Variants in HTRA3 observed in about 807,000 individuals in gnomAD.
HTRA3 encodes serine protease HTRA3.
Under a neutral mutation model 43.2 loss-of-function variants are expected in HTRA3, and 41 were observed. The ratio of observed to expected loss-of-function variants is 0.95; its 90% CI spans 0.74 to 1.23. The LOEUF (loss-of-function observed/expected upper bound fraction) is 1.23, where lower values mean the gene tolerates loss of function less well. Among genes scored for constraint, HTRA3 ranks in the 50% most tolerant of loss-of-function variants. The pLI, the probability that HTRA3 is intolerant of heterozygous loss-of-function variation, is 0.00. For missense variants in HTRA3, 628 were observed against 647.1 expected, an observed-to-expected ratio of 0.97 and a Z score of 0.32; for synonymous variants, 295 against 287.9, an observed-to-expected ratio of 1.02 and a Z score of -0.25.
intron 7 of HTRA3, 95 bp downstream of exon 7, chr4:8,302,606 T>C: frequency 8.0e-7 from 1 of 1,257,734 alleles, no homozygotes; most frequent in Non-Finnish European, 1.2e-6. Context: ...GTTCGGCTCC[T>C]TGCAGGTGCC....
chr4:8,293,651 G>T (rs1429381359), intron 5 of HTRA3, among the ~76,000 whole-genome samples: 2 of 152,052 alleles, frequency 1.3e-5, no homozygotes, highest in Admixed American at 6.5e-5. Flanking sequence ...GGGATGGGGG[G>T]GTCAAGGAGC....
chr4:8,289,625 C>A (rs1473073242), intron 3 of HTRA3, among the ~76,000 whole-genome samples: 1 of 152,238 alleles, frequency 6.6e-6, no homozygotes, highest in Non-Finnish European at 1.5e-5. Flanking sequence ...TGATTCATGT[C>A]CTGCAGGCCC....
In HTRA3 at chr4:8,269,982, C is replaced by A. The variant is rs1274996821; in HGVS notation, c.14C>A (p.Ala5Glu). The A allele has an allele frequency of 1.3e-5, 16 of 1,223,810 alleles. No individual in the cohort carries two copies. Among genetic ancestry groups the A allele is most frequent in the Non-Finnish European group, 1.6e-5 (16 of 984,918 alleles). 75.8% of individuals were successfully genotyped at this position (1,223,810 alleles called of 1,614,324 possible). A position where few individuals can be genotyped will look rare whatever the true frequency, so the allele number is the denominator to read the frequency against. The change falls in exon 1 of 9, where the codon GCG becomes GAG. Residue 5 changes from alanine to glutamate, a missense_variant. Physicochemically the swap from Ala to Glu is moderately radical, Grantham distance 107 (BLOSUM62 -1). Coordinates refer to ENST00000307358, the MANE Select transcript of HTRA3 (RefSeq NM_053044.5). ...GGCCCTGCCGCCATGCAGGCGCGAG[C>A]GCTGCTCCTGGCCGCGTTGGCCGCG... The part of the protein sequence containing the change: MQAR[A>E]LLLAALAALA...
intron 7 of HTRA3, among the ~76,000 whole-genome samples, chr4:8,303,345 C>T (rs1290341209): frequency 6.6e-6 from 1 of 152,224 alleles, no homozygotes; most frequent in Non-Finnish European, 1.5e-5. Context: ...CCTACTTATT[C>T]CTCCACTCTG....
chr4:8,306,060 A>AGTCTC lies in HTRA3; in HGVS notation c.1287_1291dup (p.Pro431ArgfsTer104). The AGTCTC allele has an allele frequency of 6.2e-7, 1 of 1,612,292 alleles. No homozygotes were observed. The highest frequency in any genetic ancestry group is 8.5e-7 in the Non-Finnish European group (1 of 1,179,244). On this transcript the variant is annotated frameshift_variant, in exon 9 of 9. Coordinates refer to ENST00000307358, the MANE Select transcript of HTRA3 (RefSeq NM_053044.5). LOFTEE classifies it high-confidence loss of function. This position sits in a 1 kb window ranked among gnomAD's most constrained non-coding sequence, Gnocchi z 8.9. ...GAGCTGCAGGAGGCCGTGCTGACCG[A>AGTCTC]GTCTCCTCTCCTACTGGAGGTGCGG...
At chr4:8,292,450 C>A in intron 5 of HTRA3, 97 bp downstream of exon 5, 1 of 1,018,784 alleles carries the variant, frequency 9.8e-7, no homozygotes, top group Non-Finnish European at 1.5e-6. Context: ...ACAATATGGT[C>A]CTAGAACATT....
chr4:8,292,211 T>G, intron 4 of HTRA3, 110 bp from the exon 5 acceptor site: 6 of 895,300 alleles, frequency 6.7e-6, no homozygotes, highest in Non-Finnish European at 1.1e-5. Context: ...CTGCTGAGGA[T>G]GAGACCTGCT....
In HTRA3 at chr4:8,270,200, C is replaced by T. The variant is rs905539453; in HGVS notation, c.232C>T (p.Arg78Cys). ...TTGCGGCGAGAGCCTGGAGTGCGTG[C>T]GCGGCCTATGCCGCTGCCGCTGGTC... The part of the protein sequence containing the change: ...SPCGESLECV[R>C]GLCRCRWSHA... The change falls in exon 1 of 9, where the codon CGC becomes TGC. Residue 78 changes from arginine (R) to cysteine (C), a missense_variant. By Grantham distance (180) the Arg-to-Cys change is radical (BLOSUM62 -3). Transcript: ENST00000307358. The T allele has an allele frequency of 2.6e-6, 4 of 1,540,246 alleles. No homozygotes were observed. The highest frequency in any genetic ancestry group is 2.6e-6 in the Non-Finnish European group (3 of 1,155,652).
Position 8,296,803 on chromosome 4 carries a change from G to A in HTRA3, c.1051+2602G>A, listed in dbSNP as rs910073558. Among the ~76,000 whole-genome samples the A allele has an allele frequency of 3.9e-5, 6 of 152,150 alleles. No homozygotes were observed. Among genetic ancestry groups the A allele is most frequent in the Non-Finnish European group, 5.9e-5 (4 of 68,010 alleles). On this transcript the variant is annotated intron_variant, in intron 6 of 8. Coordinates refer to ENST00000307358, the MANE Select transcript of HTRA3 (RefSeq NM_053044.5). This position sits in a 1 kb window ranked among gnomAD's most constrained non-coding sequence, Gnocchi z 5.3. ...CTCTGGCCTGGGGGGTAAACCCCTCGTTTATCCTGTGGCCCACAAGCCAAG... is the reference window on the plus strand; with the variant it reads ...CTCTGGCCTGGGGGGTAAACCCCTCATTTATCCTGTGGCCCACAAGCCAAG...
In HTRA3 at chr4:8,286,372, G is replaced by C. The variant is rs2153005257; in HGVS notation, c.486-189G>C. ...TCATCACCTCTTTATGGCTGTGAAT[G>C]GGTGCAGGCGCCGGTGACTTGGCCA... On this transcript the variant is annotated intron_variant, in intron 2 of 8. Coordinates refer to ENST00000307358, the MANE Select transcript of HTRA3 (RefSeq NM_053044.5). This position sits in a 1 kb window ranked among gnomAD's most constrained non-coding sequence, Gnocchi z 4.9. Among the ~76,000 whole-genome samples, 1 of 152,266 alleles carries C rather than the reference G, an allele frequency of 6.6e-6. No homozygotes were observed. The highest frequency in any genetic ancestry group is 1.9e-4 in the East Asian group (1 of 5,178).
In HTRA3 at chr4:8,282,610, C is replaced by T. The variant is rs889363277; in HGVS notation, c.485+74C>T. On this transcript the variant is annotated intron_variant, in intron 2 of 8. Transcript: ENST00000307358. ...CACCCGCCAGCTGCTGGGGCCCAAA[C>T]CAGGCTTGATTCTGCAGCCTGGGCC... 3.4e-6 allele frequency: 4 copies of T among 1,191,084 alleles called. No homozygotes were observed. In the Admixed American group the frequency reaches 5.6e-5, roughly 17 times the overall value. The allele number at this position is 1,191,084 out of a possible 1,614,324, so 73.8% of individuals were successfully genotyped here. A position where few individuals can be genotyped will look rare whatever the true frequency, so the allele number is the denominator to read the frequency against.
intron 4 of HTRA3, 124 bp from the exon 5 acceptor site, chr4:8,292,197 G>C: frequency 2.6e-6 from 2 of 781,496 alleles, no homozygotes; most frequent in Middle Eastern, 7.5e-4. Flanking sequence ...GAGGCCTTTC[G>C]ATGCTGCTGA....
rs773097259 is a variant in HTRA3 at position 8,302,417 on chromosome 4, C to A, written c.1052-46C>A. 3 of 1,595,938 alleles carry A rather than the reference C, an allele frequency of 1.9e-6. No homozygotes were observed. In the South Asian group the frequency reaches 3.3e-5, roughly 18 times the overall value. On this transcript the variant is annotated intron_variant, in intron 6 of 8. Coordinates refer to ENST00000307358, the MANE Select transcript of HTRA3 (RefSeq NM_053044.5). ...CCTGTCCCCTGAGGGAGCGTGGTGG[C>A]TTTTCACAGCAGCCCTAACGGAGTC...
Position 8,286,049 on chromosome 4 carries a change from T to C in HTRA3, c.486-512T>C, listed in dbSNP as rs1343278851. On this transcript the variant is annotated intron_variant, in intron 2 of 8. Coordinates refer to ENST00000307358, the MANE Select transcript of HTRA3 (RefSeq NM_053044.5). The surrounding 1 kb of genome is among the most constrained non-coding windows in gnomAD (Gnocchi z 4.9). ...AGGATGCTGTGTGTGCAATGGGGCTTTTCCCCTAGGGCCAATTATTGTCCT... is the reference window on the plus strand; with the variant it reads ...AGGATGCTGTGTGTGCAATGGGGCTCTTCCCCTAGGGCCAATTATTGTCCT... 6.6e-6 allele frequency among the ~76,000 whole-genome samples: 1 copy of C among 152,206 alleles called. No individual in the cohort carries two copies. The highest frequency in any genetic ancestry group is 1.5e-5 in the Non-Finnish European group (1 of 68,034).
Position 8,286,047 on chromosome 4 carries a change from C to T in HTRA3, c.486-514C>T, listed in dbSNP as rs1471953645. ...GCAGGATGCTGTGTGTGCAATGGGG[C>T]TTTTCCCCTAGGGCCAATTATTGTC... On this transcript the variant is annotated intron_variant, in intron 2 of 8. Coordinates refer to ENST00000307358, the MANE Select transcript of HTRA3 (RefSeq NM_053044.5). This position sits in a 1 kb window ranked among gnomAD's most constrained non-coding sequence, Gnocchi z 4.9. Among the ~76,000 whole-genome samples, 1 of 152,232 alleles carries T rather than the reference C, an allele frequency of 6.6e-6. No homozygotes were observed. Among genetic ancestry groups the T allele is most frequent in the Non-Finnish European group, 1.5e-5 (1 of 68,042 alleles).
intron 6 of HTRA3, 120 bp from the exon 7 acceptor site, chr4:8,302,343 G>C: frequency 1.1e-6 from 1 of 907,490 alleles, no homozygotes; most frequent in Non-Finnish European, 1.8e-6. Context: ...AGCTCAAGCA[G>C]AATGACACCT....
chr4:8,302,046 G>A (rs1003121644), intron 6 of HTRA3, among the ~76,000 whole-genome samples: 9 of 152,156 alleles, frequency 5.9e-5, no homozygotes, highest in African/African-American at 2.2e-4. Flanking sequence ...CATTAGCAGC[G>A]AGTATCGTTT....
rs1712964195 is a variant in HTRA3, at chr4:8,286,275, G to A, written c.486-286G>A. 6.6e-6 allele frequency among the ~76,000 whole-genome samples: 1 copy of A among 152,186 alleles called. No individual in the cohort carries two copies. The highest frequency in any genetic ancestry group is 2.4e-5 in the African/African-American group (1 of 41,454). On this transcript the variant is annotated intron_variant, in intron 2 of 8. Coordinates refer to ENST00000307358, the MANE Select transcript of HTRA3 (RefSeq NM_053044.5). This position sits in a 1 kb window ranked among gnomAD's most constrained non-coding sequence, Gnocchi z 4.9. ...GTGCTCCGTAGTCAGGATGGCGAGT[G>A]CAAGCTGGGAGTCATCTGACATGTC...
chr4:8,297,673 G>A lies in HTRA3; in HGVS notation c.1051+3472G>A, dbSNP rs935306385. 5.3e-5 allele frequency among the ~76,000 whole-genome samples: 8 copies of A among 152,120 alleles called. No homozygotes were observed. The highest frequency in any genetic ancestry group is 1.0e-4 in the Non-Finnish European group (7 of 68,020). ...CTCTGGAGATTGCAGGGGACTCCCAGGCAGTGGGAGTGGGAAGGGCCCATG... is the reference window on the plus strand; with the variant it reads ...CTCTGGAGATTGCAGGGGACTCCCAAGCAGTGGGAGTGGGAAGGGCCCATG... On this transcript the variant is annotated intron_variant, in intron 6 of 8. Transcript: ENST00000307358. The surrounding 1 kb of genome is among the most constrained non-coding windows in gnomAD (Gnocchi z 5.8).
Sources: gnomAD v4.1 joint callset for allele counts (sites outside exome capture counted in the v4.1 genomes callset) on GRCh38, gnomAD v4.1.1 for gene constraint, Gnocchi (gnomAD v3.1) non-coding constraint, MANE v1.5 for transcripts, NCBI Gene and HGNC (gene_info 2026-07-23, HGNC 2026-07-21) for gene names.